Variants in COL14A1 observed in about 807,000 individuals in gnomAD.
The protein encoded by COL14A1 is collagen type XIV alpha 1 chain, also known as collagen alpha-1(XIV) chain.
COL14A1 carries 136 observed loss-of-function variants against 230.3 expected under a neutral mutation model. The observed-to-expected ratio is 0.59, with a 90% CI of 0.51 to 0.68. COL14A1 has a LOEUF of 0.68. Ranked by LOEUF, COL14A1 falls within the 30% of genes least tolerant of loss-of-function variation. The pLI is 0.00. For synonymous variants in COL14A1, 792 were observed against 784.1 expected (o/e 1.01, Z -0.17); for missense variants, 1,976 against 2,215.8 (o/e 0.89, Z 2.17).
At chr8:120,286,001 T>C in intron 33 of COL14A1, 31 bp downstream of exon 33, 2 of 1,216,452 alleles carry the variant, frequency 1.6e-6, no homozygotes, top group Non-Finnish European at 2.4e-6. Flanking sequence ...ATATATTCTT[T>C]ATTCTATTTG....
Position 120,158,260 on chromosome 8 carries a change from A to T in COL14A1, c.205+14A>T. ...CTCCAACTTCAGGTAAAAACAATTGACTTTGTTTTGTAGAGCATTAGCAAC... is the reference window on the plus strand; with the variant it reads ...CTCCAACTTCAGGTAAAAACAATTGTCTTTGTTTTGTAGAGCATTAGCAAC... On this transcript the variant is annotated intron_variant, in intron 3 of 47. Coordinates refer to ENST00000297848, the MANE Select transcript of COL14A1 (RefSeq NM_021110.4). 2 of 1,458,294 alleles carry T rather than the reference A, an allele frequency of 1.4e-6. No homozygotes were observed. The highest frequency in any genetic ancestry group is 1.9e-6 in the Non-Finnish European group (2 of 1,039,684). 90.3% of individuals were successfully genotyped at this position (1,458,294 alleles called of 1,614,324 possible).
At chr8:120,207,222 A>G in intron 10 of COL14A1, 128 bp downstream of exon 10, 1 of 844,402 alleles carries the variant, frequency 1.2e-6, no homozygotes, top group Non-Finnish European at 1.7e-6. Flanking sequence ...TTTGACTGAA[A>G]TACATTTCCA....
At chr8:120,323,397 C>T (rs1230577115) in intron 40 of COL14A1, among the ~76,000 whole-genome samples, 2 of 152,040 alleles carry the variant, frequency 1.3e-5, no homozygotes, top group Non-Finnish European at 2.9e-5. Flanking sequence ...GTTTCTTTTG[C>T]TGTACAGAAG....
chr8:120,332,299 A>G lies in COL14A1; in HGVS notation c.4713+105A>G, dbSNP rs1024704656. The stretch of plus-strand genomic sequence containing the variant: ...TCTTTTACCAGCAGCCGTCTTCACT[A>G]TAGTGTGACAACTCATCCCTTGATA... On this transcript the variant is annotated intron_variant, in intron 41 of 47. Coordinates refer to ENST00000297848, the MANE Select transcript of COL14A1 (RefSeq NM_021110.4). The G allele has an allele frequency of 3.8e-5, 40 of 1,063,582 alleles. No homozygotes were observed. In the East Asian group the frequency reaches 8.1e-4, roughly 22 times the overall value. The allele number at this position is 1,063,582 out of a possible 1,614,324, so 65.9% of individuals were successfully genotyped here.
chr8:120,208,186 T>A, intron 10 of COL14A1, 46 bp from the exon 11 acceptor site: 1 of 1,522,872 alleles, frequency 6.6e-7, no homozygotes. Context: ...CAATTCTGCG[T>A]GTAAGATATT....
Position 120,341,361 on chromosome 8 carries a change from G to A in COL14A1, c.4821+1G>A. The A allele has an allele frequency of 6.2e-7, 1 of 1,614,092 alleles. No homozygotes were observed. The highest frequency in any genetic ancestry group is 8.5e-7 in the Non-Finnish European group (1 of 1,180,000). ...AGCAAAGGGGGAACGAGGAGAGCGG[G>A]TAAGTATCCTGTGGCTCTGCTTTCT... On this transcript the variant is annotated splice_donor_variant, in intron 43 of 47. Coordinates refer to ENST00000297848, the MANE Select transcript of COL14A1 (RefSeq NM_021110.4). LOFTEE classifies it high-confidence loss of function.
At chr8:120,147,755 A>G in intron 1 of COL14A1, 51 bp from the exon 2 acceptor site, 1 of 919,270 alleles carries the variant, frequency 1.1e-6, no homozygotes, top group African/African-American at 1.7e-5. Flanking sequence ...ATGATTACAT[A>G]TACTTTATTT....
At chr8:120,216,303 G>C (rs779715756) in intron 13 of COL14A1, 48 bp from the exon 14 acceptor site, 1 of 1,523,088 alleles carries the variant, frequency 6.6e-7, no homozygotes, top group Non-Finnish European at 8.9e-7. Flanking sequence ...CTTTTTACAT[G>C]TATGTAATTT....
In COL14A1 at chr8:120,371,324, G is replaced by T. The variant is rs776774401; in HGVS notation, c.*93G>T. ...TTATGTGGTTTGTATGCTACTTTTGGGGGGCAGGGCTCATTTCAGCAGCCT... is the reference window on the plus strand; with the variant it reads ...TTATGTGGTTTGTATGCTACTTTTGTGGGGCAGGGCTCATTTCAGCAGCCT... On this transcript the variant is annotated 3_prime_UTR_variant, in exon 48 of 48. Transcript: ENST00000297848. The T allele has an allele frequency of 4.5e-6, 4 of 891,044 alleles. No individual in the cohort carries two copies. The highest frequency in any genetic ancestry group is 3.9e-5 in the South Asian group (2 of 51,784). The allele number at this position is 891,044 out of a possible 1,614,324, so 55.2% of individuals were successfully genotyped here. A position where few individuals can be genotyped will look rare whatever the true frequency, so the allele number is the denominator to read the frequency against.
intron 14 of COL14A1, among the ~76,000 whole-genome samples, chr8:120,222,352 A>G (rs189956313): frequency 2.0e-5 from 3 of 152,356 alleles, no homozygotes; most frequent in Non-Finnish European, 2.9e-5. Context: ...AACCAACACT[A>G]CAGCTTAAAA....
At chr8:120,222,331 C>T (rs951020184) in intron 14 of COL14A1, among the ~76,000 whole-genome samples, 1 of 152,144 alleles carries the variant, frequency 6.6e-6, no homozygotes, top group African/African-American at 2.4e-5. Context: ...TTCAATTAAC[C>T]ATTGCCGTGT....
chr8:120,211,720 T>C (rs538110472), intron 12 of COL14A1, among the ~76,000 whole-genome samples: 6 of 152,362 alleles, frequency 3.9e-5, no homozygotes, highest in African/African-American at 1.4e-4. Context: ...TTCAAAATTT[T>C]AATTTGATGA....
Position 120,369,352 on chromosome 8 carries a change from T to A in COL14A1, c.5178T>A (p.Pro1726=). 6.3e-7 allele frequency: 1 copy of A among 1,593,730 alleles called. No individual in the cohort carries two copies. The highest frequency in any genetic ancestry group is 8.5e-7 in the Non-Finnish European group (1 of 1,170,686). ...TAGGACCTTCAGGGGAGAGTCGGCC[T>A]GGCAGCCCTGGGCCCCCTGGCTCTC... The part of the protein sequence containing the change: ...GPAGPSGESR[P]GSPGPPGSPG... The change falls in exon 47 of 48, where the codon CCT becomes CCA. Residue 1726 remains proline (P), a synonymous_variant. Transcript: ENST00000297848.
chr8:120,224,916 T>A (rs1222498873), intron 14 of COL14A1, among the ~76,000 whole-genome samples, 172 bp from the exon 15 acceptor site: 1 of 152,256 alleles, frequency 6.6e-6, no homozygotes, highest in Non-Finnish European at 1.5e-5. Context: ...TGATGGGTAA[T>A]CTAAGGGTGT....
chr8:120,252,340 C>T (rs150428428), intron 22 of COL14A1, among the ~76,000 whole-genome samples: 1 of 152,278 alleles, frequency 6.6e-6, no homozygotes, highest in East Asian at 1.9e-4. Context: ...CCTCACCCCG[C>T]TTCCAAACCT....
chr8:120,285,627 A>G (rs1463765689), intron 32 of COL14A1, among the ~76,000 whole-genome samples: 3 of 152,132 alleles, frequency 2.0e-5, no homozygotes, highest in Non-Finnish European at 4.4e-5. Context: ...CAGAGGTAAG[A>G]GTATGTGTAG....
intron 5 of COL14A1, among the ~76,000 whole-genome samples, chr8:120,173,801 G>T (rs1033125715): frequency 1.3e-5 from 2 of 151,870 alleles, no homozygotes; most frequent in South Asian, 2.1e-4. Flanking sequence ...GAGAAACATG[G>T]CTCCCAATAT....
chr8:120,344,803 A>G (rs10094767), intron 44 of COL14A1, among the ~76,000 whole-genome samples: 3,088 of 152,270 alleles, frequency 0.02, 108 homozygotes, highest in African/African-American at 0.068. Flanking sequence ...CTGTATATAT[A>G]TTTTCCATAC....
chr8:120,314,143 C>A (rs139108174), intron 38 of COL14A1, 116 bp downstream of exon 38: 17 of 692,720 alleles, frequency 2.5e-5, no homozygotes, highest in African/African-American at 1.8e-5. Flanking sequence ...CCTTTGAAAG[C>A]AATGATGGAG....
Sources: allele counts gnomAD v4.1 joint callset (sites outside exome capture counted in the v4.1 genomes callset), GRCh38; gene constraint gnomAD v4.1.1; transcripts MANE v1.5; gene names NCBI Gene and HGNC (gene_info 2026-07-23, HGNC 2026-07-21).